Variants in MUC4 observed in about 807,000 individuals in gnomAD.
MUC4 encodes the protein mucin-4.
Under a neutral mutation model 257.9 loss-of-function variants are expected in MUC4, and 202 were observed. The ratio of observed to expected loss-of-function variants is 0.78; its 90% confidence interval spans 0.70 to 0.88. The LOEUF is 0.88. Among genes scored for constraint, MUC4 ranks in the 40% least tolerant of loss-of-function variants. The pLI is 0.00. For missense variants in MUC4, 5,976 were observed against 6,513.7 expected (o/e 0.92, Z 2.84); for synonymous variants, 2,351 against 2,757.1 (o/e 0.85, Z 4.62).
chr3:195,761,358 G>A lies in MUC4; in HGVS notation c.14614+126C>T, dbSNP rs369978117. 1.6e-5 allele frequency: 14 copies of A among 877,524 alleles called. No homozygotes were observed. The East Asian group carries it at 2.9e-4, about 18-fold the overall frequency. 54.4% of individuals were successfully genotyped at this position (877,524 alleles called of 1,614,324 possible). On this transcript the variant is annotated intron_variant, in intron 15 of 24. Coordinates refer to ENST00000463781, the MANE Select transcript of MUC4 (RefSeq NM_018406.7). ...CTGGTGGTGGTGGGGACAGCCCTGG[G>A]GGGGCACAGATTCCTCAGACCTTAG...
At position 195,790,971 on chromosome 3, in the gene MUC4, C is replaced by T. The variant is rs566955429; in HGVS notation, c.609G>A (p.Thr203=). Residue 203 remains threonine (T), a synonymous_variant, in exon 2 of 25, where the codon ACG becomes ACA. Transcript: ENST00000463781. The part of the protein sequence containing the change: ...ASSQNHWTRS[T]QTTRESQTST... Reference sequence around the variant, plus strand: ...TGGTTTGAGATTCCCTGGTGGTCTGCGTGCTCCGAGTCCAGTGGTTCTGAG... The same window carrying T: ...TGGTTTGAGATTCCCTGGTGGTCTGTGTGCTCCGAGTCCAGTGGTTCTGAG... The T allele has an allele frequency of 3.7e-6, 6 of 1,613,966 alleles. No individual in the cohort carries two copies. Among genetic ancestry groups the T allele is most frequent in the East Asian group, 2.2e-5 (1 of 44,892 alleles).
chr3:195,747,051 C>T lies in MUC4; in HGVS notation c.*125G>A, dbSNP rs1715167988. ...CTTGTCTTGATTCCCAGTATTCATT[C>T]TCCTTGAAGAATCCTGACAGCCTTC... is the stretch of plus-strand genomic sequence containing the variant. On this transcript the variant is annotated 3_prime_UTR_variant, in exon 25 of 25. Coordinates refer to ENST00000463781, the MANE Select transcript of MUC4 (RefSeq NM_018406.7). 4 of 1,305,042 alleles carry T rather than the reference C, an allele frequency of 3.1e-6. No individual in the cohort carries two copies. The highest frequency in any genetic ancestry group is 4.3e-6 in the Non-Finnish European group (4 of 923,932). The allele number at this position is 1,305,042 out of a possible 1,614,324, so 80.8% of individuals were successfully genotyped here.
intron 23 of MUC4, chr3:195,749,784 C>T (rs1192945455): frequency 6.6e-6 from 1 of 152,244 alleles, no homozygotes; most frequent in Non-Finnish European, 1.5e-5. Flanking sequence ...CTGAAGGTTC[C>T]TAGGCATAAA....
intron 1 of MUC4, among the ~76,000 whole-genome samples, chr3:195,793,078 C>A (rs1331225905): frequency 6.6e-6 from 1 of 152,014 alleles, no homozygotes; most frequent in Non-Finnish European, 1.5e-5. Context: ...CACATATATA[C>A]CTGTGTAACA....
chr3:195,751,135 G>T lies in MUC4; in HGVS notation c.15648-23C>A, dbSNP rs1308350029. The T allele has an allele frequency of 5.3e-6, 8 of 1,519,004 alleles. No homozygotes were observed. In the African/African-American group the frequency reaches 9.8e-5, roughly 19 times the overall value. The allele number at this position is 1,519,004 out of a possible 1,614,324, so 94.1% of individuals were successfully genotyped here. A position where few individuals can be genotyped will look rare whatever the true frequency, so the allele number is the denominator to read the frequency against. ...TCGCTGTGTGGGAGGGCAACGGTGA[G>T]GGGGGGTGGGGGGCTGGGGGTGGGG... On this transcript the variant is annotated intron_variant, in intron 22 of 24. Coordinates refer to ENST00000463781, the MANE Select transcript of MUC4 (RefSeq NM_018406.7).
chr3:195,806,517 G>A (rs919637676), intron 1 of MUC4, among the ~76,000 whole-genome samples: 5 of 152,230 alleles, frequency 3.3e-5, no homozygotes, highest in African/African-American at 4.8e-5. Context: ...ACTGGGCCAC[G>A]TCTGTTTCAC....
At position 195,790,390 on chromosome 3, in the gene MUC4, G is replaced by A. The variant is rs1346670589; in HGVS notation, c.1190C>T (p.Pro397Leu). The A allele has an allele frequency of 5.0e-6, 8 of 1,613,748 alleles. No individual in the cohort carries two copies. The highest frequency in any genetic ancestry group is 5.9e-6 in the Non-Finnish European group (7 of 1,179,678). ...FLVTSKVFRM[P>L]TSRDSTLGNT... ...TCCAAGAGTAGAGTCTCTGGAGGTT[G>A]GCATTCTGAACACCTTTGATGTTAC... Residue 397 changes from proline (P) to leucine (L), a missense_variant, in exon 2 of 25, where the codon CCA becomes CTA. Coordinates refer to ENST00000463781, the MANE Select transcript of MUC4 (RefSeq NM_018406.7).
rs58592665 is a variant in MUC4 at position 195,797,266 on chromosome 3, T to TTAAATAAATAAATAAATAAA, written c.83-5789_83-5770dup. On this transcript the variant is annotated intron_variant, in intron 1 of 24. Transcript: ENST00000463781. ...CCTGGTGACAGAGCAGGACTCTATC[T>TTAAATAAATAAATAAATAAA]TAAATAAATAAATAAATAAATAAAT... Among the ~76,000 whole-genome samples the TTAAATAAATAAATAAATAAA allele has an allele frequency of 8.3e-3, 1,242 of 149,690 alleles. 5 individuals are homozygous for TTAAATAAATAAATAAATAAA. Among genetic ancestry groups the TTAAATAAATAAATAAATAAA allele is most frequent in the Middle Eastern group, 0.031 (9 of 294 alleles).
chr3:195,804,778 C>T (rs1735768944), intron 1 of MUC4, among the ~76,000 whole-genome samples: 4 of 152,264 alleles, frequency 2.6e-5, no homozygotes, highest in South Asian at 4.1e-4. Context: ...ACCGCTGGCC[C>T]CACCGCCTTT....
At position 195,791,187 on chromosome 3, in the gene MUC4, G is replaced by A. The variant is rs1297314021; in HGVS notation, c.393C>T (p.Leu131=). 1 of 1,613,898 alleles carries A rather than the reference G, an allele frequency of 6.2e-7. No homozygotes were observed. The highest frequency in any genetic ancestry group is 1.1e-5 in the South Asian group (1 of 91,086). ...TTGTTATAGTCTTTGATGTCATCAT[G>A]AGTGTGTTGGTGACACTGGAGGGAA... ...TSFPSSVTNT[L]MMTSKTITMT... Residue 131 remains leucine, a synonymous_variant, in exon 2 of 25, where the codon CTC becomes CTT. Transcript: ENST00000463781.
Position 195,746,784 on chromosome 3 carries a change from C to A in MUC4, c.*392G>T. On this transcript the variant is annotated 3_prime_UTR_variant, in exon 25 of 25. Coordinates refer to ENST00000463781, the MANE Select transcript of MUC4 (RefSeq NM_018406.7). ...TCCTGGTTTTGGAGACACAAAAAGT[C>A]AGAGAGACTTTATTTAAATAGAGTT... 3.9e-6 allele frequency: 1 copy of A among 254,148 alleles called. No homozygotes were observed. The highest frequency in any genetic ancestry group is 7.6e-6 in the Non-Finnish European group (1 of 132,178). The allele number at this position is 254,148 out of a possible 1,614,324, so 15.7% of individuals were successfully genotyped here. A position where few individuals can be genotyped will look rare whatever the true frequency, so the allele number is the denominator to read the frequency against.
At chr3:195,774,418 C>T (rs1723877611) in intron 3 of MUC4, 113 bp from the exon 4 acceptor site, 10 of 1,325,078 alleles carry the variant, frequency 7.5e-6, no homozygotes, top group Non-Finnish European at 9.9e-6. Context: ...CTGTGTTCCC[C>T]GAGGGCCCCA....
Position 195,786,232 on chromosome 3 carries a change from G to T in MUC4, c.5348C>A (p.Ser1783Tyr), listed in dbSNP as rs1192050073. 4.7e-6 allele frequency: 7 copies of T among 1,483,466 alleles called. No homozygotes were observed. 91.9% of individuals were successfully genotyped at this position (1,483,466 alleles called of 1,614,324 possible). A position where few individuals can be genotyped will look rare whatever the true frequency, so the allele number is the denominator to read the frequency against. ...HATPLPVTGL[S>Y]SASTDDTTRL... is the part of the protein sequence containing the mutation. ...GGTGGTGTCATCTGTGGAAGCTGAAGAAAGGCCGGTGACAGGAAGTGGGGT... is the reference window on the plus strand; with the variant it reads ...GGTGGTGTCATCTGTGGAAGCTGAATAAAGGCCGGTGACAGGAAGTGGGGT... Residue 1783 changes from serine (S) to tyrosine (Y), a missense_variant, in exon 2 of 25, where the codon TCT becomes TAT. This residue lies in a region of MUC4 where 19 missense variants were observed against 31.6 expected (regional missense o/e 0.60). Coordinates refer to ENST00000463781, the MANE Select transcript of MUC4 (RefSeq NM_018406.7).
rs751503341 is a variant in MUC4, at chr3:195,788,492, T to G, written c.3088A>C (p.Thr1030Pro). Residue 1030 changes from threonine to proline, a missense_variant, in exon 2 of 25, where the codon ACT (threonine) becomes CCT (proline). Transcript: ENST00000463781. ...ACGTGACCTGTGGATTCTGAGGAAG[T>G]GTCGGTGACAGGAAGAGGGGTGGTG... is the stretch of plus-strand genomic sequence containing the variant. The part of the protein sequence containing the change: ...GHTTPLPVTD[T>P]SSESTGHVTP... The G allele has an allele frequency of 3.9e-5, 51 of 1,301,882 alleles. No individual in the cohort carries two copies. Among genetic ancestry groups the G allele is most frequent in the Non-Finnish European group, 5.0e-5 (50 of 1,006,628 alleles). The allele number at this position is 1,301,882 out of a possible 1,614,324, so 80.6% of individuals were successfully genotyped here. A position where few individuals can be genotyped will look rare whatever the true frequency, so the allele number is the denominator to read the frequency against.
At chr3:195,753,873 G>A (rs995540016) in intron 19 of MUC4, 2 of 291,048 alleles carry the variant, frequency 6.9e-6, no homozygotes, top group Non-Finnish European at 1.3e-5. Flanking sequence ...TTCTCTGGCG[G>A]CTGCTGAAGT....
intron 4 of MUC4, among the ~76,000 whole-genome samples, chr3:195,772,683 C>T (rs1416654704): frequency 6.8e-6 from 1 of 146,192 alleles, no homozygotes; most frequent in African/African-American, 2.6e-5. Context: ...CTCTCTCCAT[C>T]CCTCAGGGGT....
At chr3:195,754,779 TATGTGTGTATCC>T (rs1560226092) in intron 18 of MUC4, among the ~76,000 whole-genome samples, 76 of 152,352 alleles carry the variant, frequency 5.0e-4, no homozygotes, top group African/African-American at 1.8e-3. Flanking sequence ...TCCATGTATG[TATGTGTGTATCC>T]ATGCATGTAT....
chr3:195,785,141 C>G lies in MUC4; in HGVS notation c.6439G>C (p.Val2147Leu), dbSNP rs1464336640. ...TSTGDTTPLP[V>L]TETSSVSTGH... The stretch of plus-strand genomic sequence containing the variant: ...GTGGATACTGAGGAAGTTTCGGTGA[C>G]AGGAAGAGGGGTGGTGTCACCTGTG... Residue 2147 changes from valine to leucine, a missense_variant, in exon 2 of 25, where the codon GTC (valine) becomes CTC (leucine). Coordinates refer to ENST00000463781, the MANE Select transcript of MUC4 (RefSeq NM_018406.7). The G allele has an allele frequency of 1.9e-6, 3 of 1,539,042 alleles. 1 individual carries two copies. Among genetic ancestry groups the G allele is most frequent in the Non-Finnish European group, 2.6e-6 (3 of 1,140,556 alleles).
chr3:195,767,675 CCACCA>C (rs1721372224), intron 7 of MUC4, among the ~76,000 whole-genome samples: 1 of 11,240 alleles, frequency 8.9e-5, no homozygotes, highest in Non-Finnish European at 1.5e-4. Context: ...ATCACCATCA[CCACCA>C]TCACTGGCCA....
Sources: gnomAD v4.1 joint callset for allele counts (sites outside exome capture counted in the v4.1 genomes callset) on GRCh38, gnomAD v4.1.1 for gene constraint, gnomAD v4.1.1 regional missense constraint, MANE v1.5 for transcripts, NCBI Gene and HGNC (gene_info 2026-07-23, HGNC 2026-07-21) for gene names.